The following TBL3 variants were observed in gnomAD, a reference collection of about 807,000 sequenced individuals.
The protein encoded by TBL3 is transducin beta-like protein 3.
In TBL3, 71 loss-of-function variants were observed where a neutral mutation model predicts 102.7. The ratio of observed to expected loss-of-function variants is 0.69; its 90% confidence interval spans 0.57 to 0.84. The LOEUF (loss-of-function observed/expected upper bound fraction) is 0.84. Among genes scored for constraint, TBL3 ranks in the 40% least tolerant of loss-of-function variants. The pLI is 0.00. For missense variants in TBL3, 1,188 were observed against 1,098.5 expected (o/e 1.08, Z -1.15); for synonymous variants, 578 against 477.7 (o/e 1.21, Z -2.74).
rs1171739324 is a variant in TBL3 at position 1,980,883 on chromosome 16, G to C, written c.*2198G>C. ...ACTGATGGGAGGCAGTCCAGTGGGA[G>C]GCAGCCGCGTGGGGAAGCCGCCACC... On this transcript the variant is annotated 3_prime_UTR_variant, in exon 22 of 22. Transcript: ENST00000568546. 2.8e-6 allele frequency: 4 copies of C among 1,438,924 alleles called. No homozygotes were observed. Among genetic ancestry groups the C allele is most frequent in the East Asian group, 2.3e-5 (1 of 43,338 alleles). The allele number at this position is 1,438,924 out of a possible 1,614,324, so 89.1% of individuals were successfully genotyped here.
Position 1,980,109 on chromosome 16 carries a change from C to T in TBL3, c.*1424C>T. On this transcript the variant is annotated 3_prime_UTR_variant, in exon 22 of 22. Coordinates refer to ENST00000568546, the MANE Select transcript of TBL3 (RefSeq NM_006453.3). ...GCAGGCAGCGCAGGCTCTGAGCCTC[C>T]AGACTGTGGATGGAGAGGCGGCCCG... is the stretch of plus-strand genomic sequence containing the variant. 2 of 1,608,386 alleles carry T rather than the reference C, an allele frequency of 1.2e-6. No homozygotes were observed. Among genetic ancestry groups the T allele is most frequent in the Non-Finnish European group, 1.7e-6 (2 of 1,178,904 alleles).
chr16:1,978,165 T>A lies in TBL3; in HGVS notation c.2079T>A (p.Pro693=). 6.2e-7 allele frequency: 1 copy of A among 1,612,718 alleles called. No homozygotes were observed. Residue 693 remains proline (P), a synonymous_variant, in exon 20 of 22, where the codon CCT becomes CCA. Transcript: ENST00000568546. ...LTVIQAIRRD[P]EACEKLEATM... ...CTCCCACAGCCATCCGGAGGGACCC[T>A]GAGGCCTGCGAGAAGCTGGAAGCCA...
Position 1,977,727 on chromosome 16 carries a change from C to A in TBL3, c.1900-15C>A, listed in dbSNP as rs764379242. The A allele has an allele frequency of 2.6e-6, 4 of 1,552,444 alleles. No homozygotes were observed. The South Asian group carries it at 4.7e-5, about 18-fold the overall frequency. ...GGTGGAGTGGAGGCCCCATCTGACC[C>A]TAGTCTAACCCCAGGATGTGACCGA... On this transcript the variant is annotated splice_polypyrimidine_tract_variant and intron_variant, in intron 17 of 21. Coordinates refer to ENST00000568546, the MANE Select transcript of TBL3 (RefSeq NM_006453.3).
At position 1,977,349 on chromosome 16, in the gene TBL3, CT is replaced by C. The variant is rs1218118776; in HGVS notation, c.1672-5del. 6.2e-7 allele frequency: 1 copy of C among 1,613,368 alleles called. No homozygotes were observed. Among genetic ancestry groups the C allele is most frequent in the Non-Finnish European group, 8.5e-7 (1 of 1,180,010 alleles). Reference sequence around the variant, plus strand: ...TGACATCTCATGCCCTACCCCCCACCTTGCAGACATTTGAGGGGCACGATGC... The same window carrying C: ...TGACATCTCATGCCCTACCCCCCACCTGCAGACATTTGAGGGGCACGATGC... On this transcript the variant is annotated splice_region_variant and splice_polypyrimidine_tract_variant and intron_variant, in intron 15 of 21. Transcript: ENST00000568546.
Position 1,978,583 on chromosome 16 carries a change from C to T in TBL3, c.2325C>T (p.Leu775=), listed in dbSNP as rs759190685. 6.2e-7 allele frequency: 1 copy of T among 1,612,538 alleles called. No homozygotes were observed. The highest frequency in any genetic ancestry group is 1.7e-5 in the Admixed American group (1 of 59,994). ...ACTTTCAGCGGCTCAGCAGGACCCT[C>T]CAGGCCGCCGCTTTCTTGGACTTCC... ...ERHFQRLSRT[L]QAAAFLDFLW... The change falls in exon 22 of 22, where the codon CTC becomes CTT. Residue 775 remains leucine (L), a synonymous_variant. Coordinates refer to ENST00000568546, the MANE Select transcript of TBL3 (RefSeq NM_006453.3).
In TBL3 at chr16:1,977,020, G is replaced by C. The variant is rs754820942; in HGVS notation, c.1441-34G>C. The C allele has an allele frequency of 1.9e-6, 3 of 1,612,398 alleles. No individual in the cohort carries two copies. The South Asian group carries it at 3.3e-5, about 18-fold the overall frequency. ...CAAGCCCTTGCTGGGGGAAGATGGGGGATTGCTGAGCCACCACCTTCTCCC... is the reference window on the plus strand; with the variant it reads ...CAAGCCCTTGCTGGGGGAAGATGGGCGATTGCTGAGCCACCACCTTCTCCC... On this transcript the variant is annotated intron_variant, in intron 14 of 21. Transcript: ENST00000568546.
At chr16:1,974,479 G>A in intron 4 of TBL3, 56 bp downstream of exon 4, 4 of 1,587,728 alleles carry the variant, frequency 2.5e-6, no homozygotes. Context: ...CCCAGACTGA[G>A]TCCAGGAAGA....
chr16:1,976,104 G>T lies in TBL3; in HGVS notation c.1178G>T (p.Ser393Ile). 1 of 1,614,178 alleles carries T rather than the reference G, an allele frequency of 6.2e-7. No homozygotes were observed. Among genetic ancestry groups the T allele is most frequent in the East Asian group, 2.2e-5 (1 of 44,886 alleles). The part of the protein sequence containing the change: ...DVFRKGWLFA[S>I]CAKDQSVRIW... ...TTCCGGAAGGGGTGGCTCTTTGCCA[G>T]CTGTGCCAAGGTGAGGCACCCTGAG... Residue 393 changes from serine (S) to isoleucine (I), a missense_variant, in exon 12 of 22, where the codon AGC (serine) becomes ATC (isoleucine). By Grantham distance (142) the Ser-to-Ile change is moderately radical. Coordinates refer to ENST00000568546, the MANE Select transcript of TBL3 (RefSeq NM_006453.3).
intron 21 of TBL3, 32 bp downstream of exon 21, chr16:1,978,503 C>G: frequency 1.3e-6 from 2 of 1,589,098 alleles, no homozygotes; most frequent in Non-Finnish European, 1.7e-6. Flanking sequence ...TTGGGGGATC[C>G]TGGTGGGCGT....
rs1269167359 is a variant in TBL3 at position 1,974,252 on chromosome 16, TG to T, written c.151del (p.Glu51LysfsTer32). On this transcript the variant is annotated frameshift_variant, in exon 3 of 22. Transcript: ENST00000568546. LOFTEE classifies it high-confidence loss of function. ...FCVCGTRVNILEVASGAVLRS... is the reference protein window; with the variant it reads ...FCVCGTRVNIXEVASGAVLRS... ...GTCTGTGGCACCAGAGTCAACATTC[TG>T]GAAGTGGCCTCGGGGGCCGTGCTGC... 1 of 1,603,668 alleles carries T rather than the reference TG, an allele frequency of 6.2e-7. No individual in the cohort carries two copies. The highest frequency in any genetic ancestry group is 8.5e-7 in the Non-Finnish European group (1 of 1,173,966).
rs2083482444 is a variant in TBL3, at chr16:1,980,512, T to C, written c.*1827T>C. The C allele has an allele frequency of 1.4e-5, 22 of 1,603,130 alleles. No homozygotes were observed. The highest frequency in any genetic ancestry group is 1.8e-5 in the Non-Finnish European group (21 of 1,179,244). On this transcript the variant is annotated 3_prime_UTR_variant, in exon 22 of 22. Transcript: ENST00000568546. ...AGCTGCAGGCGCGCCAGGCCGCGGC[T>C]CGTGCGCCCCACGCGTCCCAACAGT...
chr16:1,980,118 G>A lies in TBL3; in HGVS notation c.*1433G>A. ...GCAGGCTCTGAGCCTCCAGACTGTG[G>A]ATGGAGAGGCGGCCCGCAGCGCGAG... On this transcript the variant is annotated 3_prime_UTR_variant, in exon 22 of 22. Transcript: ENST00000568546. The A allele has an allele frequency of 6.2e-7, 1 of 1,608,386 alleles. No individual in the cohort carries two copies. Among genetic ancestry groups the A allele is most frequent in the Non-Finnish European group, 8.5e-7 (1 of 1,178,970 alleles).
At chr16:1,976,562 GC>G (rs1286749392) in intron 13 of TBL3, among the ~76,000 whole-genome samples, 1 of 152,220 alleles carries the variant, frequency 6.6e-6, no homozygotes, top group African/African-American at 2.4e-5. Flanking sequence ...CCTGCACGAG[GC>G]CCAGGTGGAG....
rs2083389221 is a variant in TBL3 at position 1,975,057 on chromosome 16, C to T, written c.594C>T (p.Val198=). The part of the protein sequence containing the change: ...LAVLTAHYSA[V]TSLAFSADGH... ...TGCTGACTGCCCACTACAGCGCCGT[C>T]ACCTCACTGGCCTTCAGCGCCGACG... Residue 198 remains valine, a synonymous_variant, in exon 7 of 22, where the codon GTC becomes GTT. Transcript: ENST00000568546. 2.5e-6 allele frequency: 4 copies of T among 1,608,650 alleles called. No individual in the cohort carries two copies. The highest frequency in any genetic ancestry group is 3.4e-6 in the Non-Finnish European group (4 of 1,179,994).
rs1198312057 is a variant in TBL3 at position 1,975,797 on chromosome 16, C to T, written c.988-11C>T. Reference sequence around the variant, plus strand: ...CCTGGCTCACATCTCCTGCTCCCTGCCACCCCGCAGTTCGCTGGCTACAGT... The same window carrying T: ...CCTGGCTCACATCTCCTGCTCCCTGTCACCCCGCAGTTCGCTGGCTACAGT... On this transcript the variant is annotated splice_polypyrimidine_tract_variant and intron_variant, in intron 10 of 21. Transcript: ENST00000568546. The T allele has an allele frequency of 6.2e-7, 1 of 1,614,130 alleles. No individual in the cohort carries two copies. Among genetic ancestry groups the T allele is most frequent in the Non-Finnish European group, 8.5e-7 (1 of 1,180,030 alleles).
Position 1,980,512 on chromosome 16 carries a change from T to TCGTGCGCCCCACGCGTCC in TBL3, c.*1829_*1846dup, listed in dbSNP as rs1348680358. 1 of 1,603,130 alleles carries TCGTGCGCCCCACGCGTCC rather than the reference T, an allele frequency of 6.2e-7. No homozygotes were observed. The highest frequency in any genetic ancestry group is 8.5e-7 in the Non-Finnish European group (1 of 1,179,244). ...AGCTGCAGGCGCGCCAGGCCGCGGCTCGTGCGCCCCACGCGTCCCAACAGT... is the reference window on the plus strand; with the variant it reads ...AGCTGCAGGCGCGCCAGGCCGCGGCTCGTGCGCCCCACGCGTCCCGTGCGCCCCACGCGTCCCAACAGT... On this transcript the variant is annotated 3_prime_UTR_variant, in exon 22 of 22. Coordinates refer to ENST00000568546, the MANE Select transcript of TBL3 (RefSeq NM_006453.3).
At position 1,978,721 on chromosome 16, in the gene TBL3, T is replaced by C; in HGVS notation, c.*36T>C. ...CTCTCTCCAGTCCATCCTGAACCCCTGGAAAACCCATAAAGGCCGCTCTCC... is the reference window on the plus strand; with the variant it reads ...CTCTCTCCAGTCCATCCTGAACCCCCGGAAAACCCATAAAGGCCGCTCTCC... On this transcript the variant is annotated 3_prime_UTR_variant, in exon 22 of 22. Coordinates refer to ENST00000568546, the MANE Select transcript of TBL3 (RefSeq NM_006453.3). 6.3e-7 allele frequency: 1 copy of C among 1,587,132 alleles called. No homozygotes were observed. The highest frequency in any genetic ancestry group is 2.3e-5 in the East Asian group (1 of 44,170).
chr16:1,979,830 C>G lies in TBL3; in HGVS notation c.*1145C>G, dbSNP rs746806483. The G allele has an allele frequency of 2.0e-5, 32 of 1,572,152 alleles. No homozygotes were observed. Among genetic ancestry groups the G allele is most frequent in the Admixed American group, 7.3e-5 (4 of 54,700 alleles). Reference sequence around the variant, plus strand: ...ACGGGCCTCCCTCCCGGCCTTGGCCCGGGGCCGCCTCCTCCAGGTAGGGCG... The same window carrying G: ...ACGGGCCTCCCTCCCGGCCTTGGCCGGGGGCCGCCTCCTCCAGGTAGGGCG... On this transcript the variant is annotated 3_prime_UTR_variant, in exon 22 of 22. Transcript: ENST00000568546.
Position 1,979,259 on chromosome 16 carries a change from T to C in TBL3, c.*574T>C. 6.5e-7 allele frequency: 1 copy of C among 1,531,470 alleles called. No individual in the cohort carries two copies. The highest frequency in any genetic ancestry group is 8.7e-7 in the Non-Finnish European group (1 of 1,146,252). The allele number at this position is 1,531,470 out of a possible 1,614,324, so 94.9% of individuals were successfully genotyped here. ...CCCGGGCCTCACCCGCCGGGTCGTC[T>C]CCTCCACGGAACCCCGTCCCGCTCA... On this transcript the variant is annotated 3_prime_UTR_variant, in exon 22 of 22. Transcript: ENST00000568546.
Sources: allele counts gnomAD v4.1 joint callset (sites outside exome capture counted in the v4.1 genomes callset), GRCh38; gene constraint gnomAD v4.1.1; transcripts MANE v1.5; gene names NCBI Gene and HGNC (gene_info 2026-07-23, HGNC 2026-07-21).